Variants in SYNE1 observed in about 807,000 individuals in gnomAD.
SYNE1 encodes the protein spectrin repeat containing nuclear envelope protein 1.
A neutral mutation model predicts 1,111.0 loss-of-function variants in SYNE1; 616 were observed. That is an observed-to-expected ratio of 0.55 (90% CI 0.52 to 0.59). The LOEUF is 0.59. SYNE1 is among the 20% of genes least tolerant of loss of function. SYNE1 has a pLI of 0.00. For synonymous variants in SYNE1, 3,855 were observed against 3,825.8 expected (o/e 1.01, Z -0.28); for missense variants, 10,006 against 10,417.0 (o/e 0.96, Z 1.72).
intron 3 of SYNE1, among the ~76,000 whole-genome samples, chr6:152,564,089 C>T (rs1247982910): frequency 1.3e-5 from 2 of 152,006 alleles, no homozygotes; most frequent in African/African-American, 4.8e-5. Context: ...TTTTATACTG[C>T]GTAAGACAAT....
chr6:152,505,293 G>A lies in SYNE1; in HGVS notation c.686C>T (p.Thr229Ile). The A allele has an allele frequency of 1.9e-6, 3 of 1,614,084 alleles. 1 individual carries two copies. In the South Asian group the frequency reaches 3.3e-5, roughly 18 times the overall value. ...AIRPELVDLE[T>I]VKGRSNRENL... ...TTCTCGGTTGGATCTGCCTTTCACT[G>A]TCTCCAAGTCCACCAATTCCGGTCG... is the stretch of plus-strand genomic sequence containing the variant. Residue 229 changes from threonine (T) to isoleucine (I), a missense_variant, in exon 9 of 146, where the codon ACA becomes ATA. Thr to Ile is a moderately conservative substitution (Grantham distance 89). This residue lies in a region of SYNE1 where 1,971 missense variants were observed against 2,084.1 expected (regional missense o/e 0.95). Transcript: ENST00000367255.
Position 152,339,307 on chromosome 6 carries a change from G to C in SYNE1, c.12285C>G (p.Ser4095=), listed in dbSNP as rs202064606. The C allele has an allele frequency of 7.4e-6, 12 of 1,614,056 alleles. No homozygotes were observed. The Admixed American group carries it at 1.8e-4, about 25-fold the overall frequency. ...CCGAAGCATTTGACAGGTCACACAT[G>C]GAGCAAAGGAGATCTAGGTAGGTCC... ...QARTYLDLLC[S]MCDLSNASVK... The change falls in exon 75 of 146, where the codon TCC becomes TCG. Residue 4095 remains serine, a synonymous_variant. Transcript: ENST00000367255.
chr6:152,222,741 G>A (rs2080470842), intron 117 of SYNE1, among the ~76,000 whole-genome samples: 3 of 152,138 alleles, frequency 2.0e-5, no homozygotes. Context: ...GGGATTAGAT[G>A]GGGAAAAGAA....
chr6:152,471,785 A>G lies in SYNE1; in HGVS notation c.1464-20T>C. On this transcript the variant is annotated intron_variant, in intron 15 of 145. Transcript: ENST00000367255. ...TGAAACCTAGAAATAAAACAGGGAG[A>G]ATTTATAGAATGTAACTAATAGTAA... 6.2e-7 allele frequency: 1 copy of G among 1,610,438 alleles called. No individual in the cohort carries two copies. The highest frequency in any genetic ancestry group is 8.5e-7 in the Non-Finnish European group (1 of 1,177,356).
Position 152,399,600 on chromosome 6 carries a change from G to A in SYNE1, c.7237+16C>T. 1 of 1,613,710 alleles carries A rather than the reference G, an allele frequency of 6.2e-7. No individual in the cohort carries two copies. Among genetic ancestry groups the A allele is most frequent in the South Asian group, 1.1e-5 (1 of 91,066 alleles). On this transcript the variant is annotated intron_variant, in intron 48 of 145. Coordinates refer to ENST00000367255, the MANE Select transcript of SYNE1 (RefSeq NM_182961.4). ...TCGGAAACAAACTACTCATGCTAAG[G>A]CCCCTCAGAACTCACCACTGAAGTG...
intron 128 of SYNE1, among the ~76,000 whole-genome samples, chr6:152,182,561 C>T (rs998499539): frequency 5.3e-5 from 8 of 152,284 alleles, no homozygotes; most frequent in South Asian, 2.1e-4. Context: ...AATACATTTA[C>T]TTTTTATGTA....
intron 3 of SYNE1, among the ~76,000 whole-genome samples, chr6:152,605,027 AGAGAGAGAGGGAGGGAGG>A (rs1446340396): frequency 1.0e-4 from 7 of 67,740 alleles, no homozygotes; most frequent in South Asian, 8.2e-4. Context: ...AGAGAGAGAG[AGAGAGAGAGGGAGGGAGG>A]GAGGGAGGGA....
intron 124 of SYNE1, among the ~76,000 whole-genome samples, chr6:152,210,908 C>T (rs1383934891): frequency 6.6e-6 from 1 of 152,148 alleles, no homozygotes; most frequent in Non-Finnish European, 1.5e-5. Context: ...GGCATGTAAT[C>T]TGACTTAAGG....
At chr6:152,377,646 T>A (rs1420955742) in intron 56 of SYNE1, among the ~76,000 whole-genome samples, 10 of 87,032 alleles carry the variant, frequency 1.1e-4, no homozygotes, top group East Asian at 4.0e-4. Flanking sequence ...AAAAAATATA[T>A]ATATATATAT....
rs1194837271 is a variant in SYNE1, at chr6:152,514,847, T to C, written c.310-3744A>G. 1.2e-4 allele frequency among the ~76,000 whole-genome samples: 18 copies of C among 151,958 alleles called. 1 individual carries two copies. ...CCTCCAAAACGCTGACAAAATAAAT[T>C]TCTGTAGTTTAAGCCACCCAGTCTG... On this transcript the variant is annotated intron_variant, in intron 6 of 145. Transcript: ENST00000367255.
At chr6:152,341,842 A>T (rs916041629) in intron 74 of SYNE1, among the ~76,000 whole-genome samples, 1 of 152,200 alleles carries the variant, frequency 6.6e-6, no homozygotes, top group Non-Finnish European at 1.5e-5. Context: ...CTGCATATTG[A>T]AGGACATGAC....
At chr6:152,425,356 A>G in intron 39 of SYNE1, 25 bp downstream of exon 39, 1 of 1,609,442 alleles carries the variant, frequency 6.2e-7, no homozygotes, top group Admixed American at 1.7e-5. Flanking sequence ...GAACAATATT[A>G]GAAGATTTAT....
intron 3 of SYNE1, among the ~76,000 whole-genome samples, chr6:152,554,755 A>G (rs1260194797): frequency 6.6e-6 from 1 of 152,170 alleles, no homozygotes; most frequent in Non-Finnish European, 1.5e-5. Flanking sequence ...ATTTCTCCTG[A>G]ATATGATACC....
chr6:152,145,601 C>A (rs543867989), intron 137 of SYNE1: 2 of 1,534,078 alleles, frequency 1.3e-6, no homozygotes, highest in East Asian at 2.2e-5. Flanking sequence ...TTCTGGAAAC[C>A]CTGAATCCCT....
rs773019397 is a variant in SYNE1, at chr6:152,484,038, CAAAAAAAAAA to C, written c.1185+787_1186-790del. 3.6e-4 allele frequency among the ~76,000 whole-genome samples: 19 copies of C among 53,506 alleles called. No homozygotes were observed. In the South Asian group the frequency reaches 4.4e-3, roughly 12 times the overall value. The allele number at this position is 53,506 out of a possible 152,430, so 35.1% of individuals were successfully genotyped here. A position where few individuals can be genotyped will look rare whatever the true frequency, so the allele number is the denominator to read the frequency against. The stretch of plus-strand genomic sequence containing the variant: ...GCAATATAGTGAGATCTCATCTCTA[CAAAAAAAAAA>C]AAAAAAAAAAAAAATTAGCCAAGTA... On this transcript the variant is annotated intron_variant, in intron 13 of 145. Transcript: ENST00000367255.
chr6:152,222,939 G>C (rs768589150), intron 117 of SYNE1, among the ~76,000 whole-genome samples: 30 of 152,266 alleles, frequency 2.0e-4, no homozygotes, highest in Non-Finnish European at 3.2e-4. Flanking sequence ...CTGCTACCAA[G>C]GACCAGTAAG....
At chr6:152,236,030 T>C (rs758097797) in intron 110 of SYNE1, 77 bp downstream of exon 110, 34 of 1,500,578 alleles carry the variant, frequency 2.3e-5, no homozygotes, top group Non-Finnish European at 3.0e-5. Flanking sequence ...GTTTGAGCCA[T>C]CATCCCCCAC....
intron 3 of SYNE1, among the ~76,000 whole-genome samples, chr6:152,597,297 T>G (rs78120622): frequency 0.022 from 3,316 of 152,256 alleles, 127 homozygotes; most frequent in African/African-American, 0.075. Context: ...TTTTCTTAGA[T>G]ACAGTGTCTC....
At chr6:152,132,873 ATT>A (rs11360288) in intron 143 of SYNE1, among the ~76,000 whole-genome samples, 6,054 of 146,300 alleles carry the variant, frequency 0.041, 313 homozygotes, top group African/African-American at 0.12. Flanking sequence ...CTGTTTTTTA[ATT>A]TTTTTTTTTT....
Sources: gnomAD v4.1 joint callset for allele counts (sites outside exome capture counted in the v4.1 genomes callset) on GRCh38, gnomAD v4.1.1 for gene constraint, gnomAD v4.1.1 regional missense constraint, MANE v1.5 for transcripts, NCBI Gene and HGNC (gene_info 2026-07-23, HGNC 2026-07-21) for gene names.